ST6GALNAC3: variants seen among roughly 807,000 people sequenced by gnomAD.
ST6GALNAC3 encodes alpha-N-acetylgalactosaminide alpha-2,6-sialyltransferase 3.
In ST6GALNAC3, 25 loss-of-function variants were observed where a neutral mutation model predicts 32.7. The ratio of observed to expected loss-of-function variants is 0.76; its 90% CI spans 0.56 to 1.07. The LOEUF is 1.07. Ranked by LOEUF, ST6GALNAC3 falls within the 50% of genes least tolerant of loss-of-function variation. The pLI is 0.00. For synonymous variants in ST6GALNAC3, 129 were observed against 133.1 expected (o/e 0.97, Z 0.21); for missense variants, 355 against 382.4 (o/e 0.93, Z 0.60).
At chr1:76,159,537 G>A (rs967134589) in intron 1 of ST6GALNAC3, among the ~76,000 whole-genome samples, 2 of 152,174 alleles carry the variant, frequency 1.3e-5, no homozygotes, top group Non-Finnish European at 2.9e-5. Flanking sequence ...GGTGCCTGGG[G>A]TCAGCCTGCT....
At chr1:76,552,513 C>T (rs1276279647) in intron 3 of ST6GALNAC3, among the ~76,000 whole-genome samples, 2 of 152,162 alleles carry the variant, frequency 1.3e-5, no homozygotes, top group African/African-American at 4.8e-5. Flanking sequence ...AGTCAGCCAT[C>T]TTGAAGCCCC....
chr1:76,397,008 A>G (rs1280193604), intron 2 of ST6GALNAC3, among the ~76,000 whole-genome samples: 2 of 152,186 alleles, frequency 1.3e-5, no homozygotes, highest in Non-Finnish European at 2.9e-5. Flanking sequence ...CAGTAAAAAT[A>G]CTGTGGGCTC....
intron 3 of ST6GALNAC3, among the ~76,000 whole-genome samples, chr1:76,481,804 G>C (rs1180501080): frequency 1.3e-5 from 2 of 152,206 alleles, no homozygotes; most frequent in East Asian, 3.9e-4. Context: ...TAATATCTAA[G>C]CATATGCAAA....
At chr1:76,548,947 A>G (rs1032381636) in intron 3 of ST6GALNAC3, among the ~76,000 whole-genome samples, 1 of 152,218 alleles carries the variant, frequency 6.6e-6, no homozygotes, top group African/African-American at 2.4e-5. Flanking sequence ...AATAGCAGGT[A>G]CTTAATAAAC....
chr1:76,176,758 T>C (rs960958262), intron 1 of ST6GALNAC3, among the ~76,000 whole-genome samples: 1 of 152,208 alleles, frequency 6.6e-6, no homozygotes, highest in Non-Finnish European at 1.5e-5. Flanking sequence ...AGATTTCTGT[T>C]TGGTGCAATT....
At chr1:76,278,083 G>A (rs1194285488) in intron 1 of ST6GALNAC3, among the ~76,000 whole-genome samples, 1 of 147,224 alleles carries the variant, frequency 6.8e-6, no homozygotes, top group Non-Finnish European at 1.5e-5. Flanking sequence ...GGGAAGAGTT[G>A]GTATCTTTGT....
At chr1:76,166,641 G>A (rs1652143761) in intron 1 of ST6GALNAC3, among the ~76,000 whole-genome samples, 1 of 152,154 alleles carries the variant, frequency 6.6e-6, no homozygotes, top group Non-Finnish European at 1.5e-5. Context: ...AGCATGGAAT[G>A]TTTTTCCATT....
intron 1 of ST6GALNAC3, among the ~76,000 whole-genome samples, chr1:76,280,746 TACTAGCATGCAA>T (rs1476701921): frequency 6.6e-6 from 1 of 152,250 alleles, no homozygotes; most frequent in African/African-American, 2.4e-5. Flanking sequence ...ATTCGTCATT[TACTAGCATGCAA>T]ACTTGGGCAA....
chr1:76,597,992 C>T (rs315047), intron 3 of ST6GALNAC3, among the ~76,000 whole-genome samples: 25,921 of 152,034 alleles, frequency 0.17, 3,095 homozygotes, highest in African/African-American at 0.34. Context: ...ACTGGGTGTC[C>T]TAAACACCAA....
chr1:76,266,202 G>A (rs577310729), intron 1 of ST6GALNAC3, among the ~76,000 whole-genome samples: 1 of 152,240 alleles, frequency 6.6e-6, no homozygotes, highest in African/African-American at 2.4e-5. Flanking sequence ...ATAGCTGCAG[G>A]GAACACAGTG....
intron 1 of ST6GALNAC3, among the ~76,000 whole-genome samples, chr1:76,139,465 C>T (rs542610057): frequency 1.1e-4 from 16 of 152,236 alleles, no homozygotes; most frequent in East Asian, 1.9e-4. Flanking sequence ...AATGCTCATT[C>T]GGCAACAGTG....
intron 2 of ST6GALNAC3, among the ~76,000 whole-genome samples, chr1:76,318,718 T>C (rs142807164): frequency 6.6e-6 from 1 of 152,266 alleles, no homozygotes; most frequent in East Asian, 1.9e-4. Flanking sequence ...CACCCATGTA[T>C]TTTTCCAGAA....
intron 1 of ST6GALNAC3, among the ~76,000 whole-genome samples, chr1:76,265,030 G>A (rs1415633943): frequency 2.0e-5 from 3 of 151,784 alleles, no homozygotes; most frequent in East Asian, 1.9e-4. Context: ...TATGAAGCAA[G>A]TTAACTGTTT....
intron 3 of ST6GALNAC3, among the ~76,000 whole-genome samples, chr1:76,475,486 G>A (rs922052392): frequency 6.6e-6 from 1 of 152,094 alleles, no homozygotes; most frequent in Non-Finnish European, 1.5e-5. Flanking sequence ...AGTAATTTGG[G>A]ACTTTCACAT....
chr1:76,350,117 T>G (rs995830779), intron 2 of ST6GALNAC3, among the ~76,000 whole-genome samples: 1 of 152,210 alleles, frequency 6.6e-6, no homozygotes, highest in South Asian at 2.1e-4. Flanking sequence ...ACATTTCTGT[T>G]GGTTTTTTTT....
At chr1:76,157,095 C>T (rs972166526) in intron 1 of ST6GALNAC3, among the ~76,000 whole-genome samples, 1 of 152,158 alleles carries the variant, frequency 6.6e-6, no homozygotes, top group Non-Finnish European at 1.5e-5. Context: ...TGTGCTGGTG[C>T]TTCTGGTTGC....
intron 3 of ST6GALNAC3, among the ~76,000 whole-genome samples, chr1:76,454,928 ATT>A (rs11359719): frequency 5.6e-4 from 83 of 149,306 alleles, no homozygotes; most frequent in Non-Finnish European, 9.9e-4. Context: ...TCTCCTATGT[ATT>A]TTTTTTTTCA....
At chr1:76,420,278 C>T (rs1654943103) in intron 3 of ST6GALNAC3, among the ~76,000 whole-genome samples, 1 of 151,984 alleles carries the variant, frequency 6.6e-6, no homozygotes, top group Admixed American at 6.6e-5. Context: ...TTCATTTTTT[C>T]TTGAACCAAA....
intron 3 of ST6GALNAC3, among the ~76,000 whole-genome samples, chr1:76,490,317 A>G (rs1361711434): frequency 1.3e-5 from 2 of 152,028 alleles, no homozygotes; most frequent in African/African-American, 4.8e-5. Flanking sequence ...AGTAAGTTCT[A>G]GGATCCAGAG....
Sources: gnomAD v4.1 joint callset for allele counts (sites outside exome capture counted in the v4.1 genomes callset) on GRCh38, gnomAD v4.1.1 for gene constraint, MANE v1.5 for transcripts, NCBI Gene and HGNC (gene_info 2026-07-23, HGNC 2026-07-21) for gene names.